Variants in TMEM181 observed in about 807,000 individuals in gnomAD.
TMEM181 encodes the protein G protein-coupled receptor 178.
TMEM181 carries 39 observed loss-of-function variants against 71.9 expected under a neutral mutation model. The ratio of observed to expected loss-of-function variants is 0.54; its 90% CI spans 0.42 to 0.71. The LOEUF is 0.71. Ranked by LOEUF, TMEM181 falls within the 30% of genes least tolerant of loss-of-function variation. The pLI, the probability that TMEM181 is intolerant of heterozygous loss-of-function variation, is 0.00. For missense variants in TMEM181, 595 were observed against 583.0 expected (o/e 1.02, Z -0.21); for synonymous variants, 245 against 228.8 (o/e 1.07, Z -0.64).
At chr6:158,626,474 A>T in intron 13 of TMEM181, 1 of 456,512 alleles carries the variant, frequency 2.2e-6, no homozygotes, top group Non-Finnish European at 4.4e-6. Flanking sequence ...CTTTTCCTTT[A>T]TGAGTGACAA....
intron 7 of TMEM181, among the ~76,000 whole-genome samples, chr6:158,606,354 G>A (rs10945554): frequency 0.018 from 2,686 of 152,132 alleles, 184 homozygotes; most frequent in African/African-American, 0.062. Context: ...CAGGGCTCCC[G>A]CAGTGAGCTT....
intron 1 of TMEM181, chr6:158,536,873 C>T (rs1216341127): frequency 3.0e-6 from 4 of 1,353,788 alleles, no homozygotes; most frequent in Non-Finnish European, 3.8e-6. Context: ...CAGGTGGGCG[C>T]GGCGCGGGCA....
At chr6:158,548,145 A>G (rs10447366) in intron 1 of TMEM181, among the ~76,000 whole-genome samples, 44,600 of 151,974 alleles carry the variant, frequency 0.29, 7,112 homozygotes, top group East Asian at 0.57. Flanking sequence ...CAGTGACTAG[A>G]CAGAGCTAAC....
chr6:158,627,007 C>G (rs766126752), intron 13 of TMEM181, among the ~76,000 whole-genome samples: 5 of 146,042 alleles, frequency 3.4e-5, no homozygotes, highest in Admixed American at 6.9e-5. Context: ...CTCAGCACAC[C>G]CTTACAGCCT....
In TMEM181 at chr6:158,581,399, C is replaced by T. The variant is rs1783461786; in HGVS notation, c.168+404C>T. ...CAGATTTCTAATGGTACATTTCTTT[C>T]TAATGATTACTTTGTATTCCTTGTG... is the stretch of plus-strand genomic sequence containing the variant. On this transcript the variant is annotated intron_variant, in intron 3 of 16. Coordinates refer to ENST00000684151, the MANE Select transcript of TMEM181 (RefSeq NM_001376852.1). Among the ~76,000 whole-genome samples, 3 of 152,302 alleles carry T rather than the reference C, an allele frequency of 2.0e-5. No individual in the cohort carries two copies. In the South Asian group the frequency reaches 6.2e-4, roughly 32 times the overall value.
rs1785910364 is a variant in TMEM181, at chr6:158,620,787, A to G, written c.897-2763A>G. Among the ~76,000 whole-genome samples, 1 of 152,220 alleles carries G rather than the reference A, an allele frequency of 6.6e-6. No homozygotes were observed. The highest frequency in any genetic ancestry group is 1.5e-5 in the Non-Finnish European group (1 of 68,042). On this transcript the variant is annotated intron_variant, in intron 10 of 16. Coordinates refer to ENST00000684151, the MANE Select transcript of TMEM181 (RefSeq NM_001376852.1). The surrounding 1 kb of genome is among the most constrained non-coding windows in gnomAD (Gnocchi z 4.5). ...TGCCCACTGCTTCCTGGGTTGCAAG[A>G]GAGCCTCTGTCCCCAACATCTGTCC...
intron 1 of TMEM181, among the ~76,000 whole-genome samples, chr6:158,550,151 G>T (rs1405519402): frequency 6.6e-6 from 1 of 151,722 alleles, no homozygotes; most frequent in African/African-American, 2.4e-5. Flanking sequence ...GTGAATAGTG[G>T]CCAGGAGTCA....
intron 6 of TMEM181, among the ~76,000 whole-genome samples, chr6:158,605,060 G>T (rs1784867019): frequency 6.6e-6 from 1 of 151,036 alleles, no homozygotes; most frequent in South Asian, 2.1e-4. Flanking sequence ...GTTGCAGTGA[G>T]CGAAGATTGC....
intron 6 of TMEM181, among the ~76,000 whole-genome samples, chr6:158,591,373 G>A (rs145086703): frequency 6.6e-6 from 1 of 152,182 alleles, no homozygotes; most frequent in Non-Finnish European, 1.5e-5. Flanking sequence ...TGCTGGGACA[G>A]CTGAGCCGGC....
At chr6:158,554,964 C>T (rs1781833220) in intron 1 of TMEM181, among the ~76,000 whole-genome samples, 1 of 152,188 alleles carries the variant, frequency 6.6e-6, no homozygotes, top group Non-Finnish European at 1.5e-5. Flanking sequence ...TTAAAAATCT[C>T]TTTTACTCCC....
At chr6:158,538,224 G>A (rs1781203346) in intron 1 of TMEM181, among the ~76,000 whole-genome samples, 1 of 145,880 alleles carries the variant, frequency 6.9e-6, no homozygotes, top group Non-Finnish European at 1.5e-5. Flanking sequence ...GTGCAATCTT[G>A]GCTCACTGCA....
chr6:158,619,086 G>A (rs917721685), intron 10 of TMEM181, among the ~76,000 whole-genome samples: 7 of 152,312 alleles, frequency 4.6e-5, no homozygotes, highest in Admixed American at 2.0e-4. Flanking sequence ...CCTGAAGAGT[G>A]TTTTCCAACT....
intron 2 of TMEM181, among the ~76,000 whole-genome samples, chr6:158,575,585 T>C (rs1190795478): frequency 6.6e-6 from 1 of 152,200 alleles, no homozygotes; most frequent in East Asian, 1.9e-4. Flanking sequence ...CCCAAAGTGC[T>C]GGGATTACAG....
chr6:158,539,757 G>C (rs1781269479), intron 1 of TMEM181, among the ~76,000 whole-genome samples: 1 of 152,222 alleles, frequency 6.6e-6, no homozygotes, highest in Admixed American at 6.5e-5. Context: ...CTGCCTGTCA[G>C]GAGAGGGAAG....
intron 6 of TMEM181, among the ~76,000 whole-genome samples, chr6:158,594,263 T>C (rs9355667): frequency 0.36 from 54,740 of 151,610 alleles, 10,908 homozygotes; most frequent in East Asian, 0.75. Flanking sequence ...TATGCGTGGC[T>C]AATTTTTGTA....
chr6:158,607,931 T>G (rs565991579), intron 8 of TMEM181, among the ~76,000 whole-genome samples: 1 of 152,382 alleles, frequency 6.6e-6, no homozygotes, highest in Non-Finnish European at 1.5e-5. Flanking sequence ...CCTCTTTTCC[T>G]GCTCCAAAAG....
At chr6:158,612,458 G>A (rs1365507668) in intron 10 of TMEM181, among the ~76,000 whole-genome samples, 1 of 152,204 alleles carries the variant, frequency 6.6e-6, no homozygotes, top group Non-Finnish European at 1.5e-5. Context: ...AAATAGCCAT[G>A]CTCCTGTCAG....
In TMEM181 at chr6:158,607,279, G is replaced by A. The variant is rs765127159; in HGVS notation, c.609G>A (p.Met203Ile). ...LFAHSLRKFS[M>I]RDWGIEQKWM... ...CGCATTCCCTCCGGAAATTTTCCAT[G>A]AGAGACTGGGGCATCGAGCAGAAGT... The change falls in exon 8 of 17, where the codon ATG becomes ATA. Residue 203 changes from methionine to isoleucine, a missense_variant. Met to Ile is a conservative substitution (Grantham distance 10, BLOSUM62 1). Coordinates refer to ENST00000684151, the MANE Select transcript of TMEM181 (RefSeq NM_001376852.1). The A allele has an allele frequency of 6.2e-7, 1 of 1,614,212 alleles. No individual in the cohort carries two copies. Among genetic ancestry groups the A allele is most frequent in the Admixed American group, 1.7e-5 (1 of 60,024 alleles).
chr6:158,559,571 C>G (rs1018385793), upstream of TMEM181, among the ~76,000 whole-genome samples: 1 of 152,176 alleles, frequency 6.6e-6, no homozygotes, highest in Non-Finnish European at 1.5e-5. Flanking sequence ...TGCTTTTGGT[C>G]CACTGGTCTA....
Sources: allele counts gnomAD v4.1 joint callset (sites outside exome capture counted in the v4.1 genomes callset), GRCh38; gene constraint gnomAD v4.1.1; non-coding constraint Gnocchi (gnomAD v3.1); transcripts MANE v1.5; gene names NCBI Gene and HGNC (gene_info 2026-07-23, HGNC 2026-07-21).